The following ZNF638 variants were observed in gnomAD, a reference collection of about 807,000 sequenced individuals.
ZNF638 encodes CTCL tumor antigen se33-1.
Under a neutral mutation model 195.6 loss-of-function variants are expected in ZNF638, and 46 were observed. That is an observed-to-expected ratio of 0.24 (90% CI 0.19 to 0.30). The LOEUF is 0.30. Ranked by LOEUF, ZNF638 falls within the 10% of genes least tolerant of loss-of-function variation. The pLI, the probability that ZNF638 is intolerant of heterozygous loss-of-function variation, is 1.00. For missense variants in ZNF638, 2,440 were observed against 2,325.3 expected (o/e 1.05, Z -1.01); for synonymous variants, 845 against 772.0 (o/e 1.09, Z -1.57).
intron 10 of ZNF638, among the ~76,000 whole-genome samples, chr2:71,387,108 A>C (rs2079657106): frequency 6.6e-6 from 1 of 152,144 alleles, no homozygotes; most frequent in Non-Finnish European, 1.5e-5. Flanking sequence ...TATTATAAGA[A>C]ATTAACATAG....
intron 20 of ZNF638, among the ~76,000 whole-genome samples, chr2:71,410,686 TAAA>T (rs1289276358): frequency 2.6e-5 from 4 of 152,178 alleles, no homozygotes; most frequent in African/African-American, 9.6e-5. Context: ...TAAATTGAGA[TAAA>T]AAGAGAATGA....
At chr2:71,430,840 A>G (rs2080643304) in intron 25 of ZNF638, among the ~76,000 whole-genome samples, 1 of 152,114 alleles carries the variant, frequency 6.6e-6, no homozygotes, top group Non-Finnish European at 1.5e-5. Context: ...CTTACGTGTT[A>G]CTCACTTTGG....
chr2:71,367,751 T>TTTA lies in ZNF638; in HGVS notation c.1996-631_1996-630insTTA, dbSNP rs1553471478. Among the ~76,000 whole-genome samples the TTTA allele has an allele frequency of 1.3e-4, 20 of 149,382 alleles. 1 individual carries two copies. The highest frequency in any genetic ancestry group is 2.5e-4 in the Non-Finnish European group (17 of 67,408). Reference sequence around the variant, plus strand: ...ACCAGGCCTGGCCTTTTTTTTTTTTTAAAAATATAGAGTCTTAGTATGTTG... The same window carrying TTTA: ...ACCAGGCCTGGCCTTTTTTTTTTTTTTTAAAAAATATAGAGTCTTAGTATGTTG... On this transcript the variant is annotated intron_variant, in intron 6 of 27. Coordinates refer to ENST00000264447, the MANE Select transcript of ZNF638 (RefSeq NM_014497.5).
chr2:71,395,441 C>T lies in ZNF638; in HGVS notation c.2378-700C>T, dbSNP rs139841409. On this transcript the variant is annotated intron_variant, in intron 10 of 27. Coordinates refer to ENST00000264447, the MANE Select transcript of ZNF638 (RefSeq NM_014497.5). ...AAGTCCAGGAGGTTTTGCAAAGCTT[C>T]GGGAGAGAATAAAGGCTGAAGGCAG... 938 of 632,062 alleles carry T rather than the reference C, an allele frequency of 1.5e-3. 10 individuals carry two copies. The highest frequency in any genetic ancestry group is 0.014 in the African/African-American group (739 of 54,400). 39.2% of individuals were successfully genotyped at this position (632,062 alleles called of 1,614,324 possible).
chr2:71,406,401 ATATTT>A (rs1443803736), intron 19 of ZNF638, 139 bp downstream of exon 19: 15 of 756,280 alleles, frequency 2.0e-5, no homozygotes, highest in Admixed American at 2.9e-5. Flanking sequence ...ATAAACCAGA[ATATTT>A]TATTTTGGAC....
intron 18 of ZNF638, 50 bp downstream of exon 18, chr2:71,405,692 C>A: frequency 1.5e-6 from 2 of 1,291,520 alleles, no homozygotes; most frequent in Non-Finnish European, 2.2e-6. Context: ...TTGATGGAAA[C>A]ATTGTTTTAC....
At chr2:71,344,585 T>G (rs2078820577) in intron 1 of ZNF638, among the ~76,000 whole-genome samples, 1 of 151,640 alleles carries the variant, frequency 6.6e-6, no homozygotes. Flanking sequence ...ATTCTCTAGA[T>G]TTATTGCTAA....
intron 10 of ZNF638, among the ~76,000 whole-genome samples, chr2:71,391,160 G>A (rs1319424732): frequency 6.6e-6 from 1 of 152,218 alleles, no homozygotes; most frequent in African/African-American, 2.4e-5. Flanking sequence ...TCTGGGAAAT[G>A]GGGACTTGCA....
intron 10 of ZNF638, chr2:71,393,250 A>G (rs1006727879): frequency 1.7e-5 from 10 of 594,128 alleles, no homozygotes; most frequent in African/African-American, 1.1e-4. Flanking sequence ...AATTTCAATC[A>G]ACTATAGAAA....
chr2:71,408,673 T>C, intron 20 of ZNF638: 2 of 393,540 alleles, frequency 5.1e-6, no homozygotes, highest in South Asian at 4.0e-5. Context: ...GTTCTTGGCC[T>C]ACACAGTAGT....
chr2:71,380,499 C>A lies in ZNF638; in HGVS notation c.2325-14C>A. 1 of 1,580,820 alleles carries A rather than the reference C, an allele frequency of 6.3e-7. No individual in the cohort carries two copies. Among genetic ancestry groups the A allele is most frequent in the South Asian group, 1.2e-5 (1 of 84,110 alleles). On this transcript the variant is annotated splice_polypyrimidine_tract_variant and intron_variant, in intron 9 of 27. Transcript: ENST00000264447. ...TTCCTAAGTTGCTGCTAAATTTTTT[C>A]TCCTTTTAAATAGAAGAGATGCAGA...
At chr2:71,427,523 T>C (rs746858483) in intron 24 of ZNF638, 109 bp downstream of exon 24, 2 of 754,336 alleles carry the variant, frequency 2.7e-6, no homozygotes, top group Non-Finnish European at 2.0e-6. Context: ...AGTATTGATA[T>C]TAGAGGCCAA....
chr2:71,334,116 T>G (rs1204750903), intron 1 of ZNF638, among the ~76,000 whole-genome samples: 2 of 152,234 alleles, frequency 1.3e-5, no homozygotes, highest in Non-Finnish European at 2.9e-5. Context: ...TATATGATTG[T>G]TACGTTAGTC....
At chr2:71,338,142 C>A (rs1233086749) in intron 1 of ZNF638, among the ~76,000 whole-genome samples, 1 of 152,176 alleles carries the variant, frequency 6.6e-6, no homozygotes, top group African/African-American at 2.4e-5. Context: ...CCCCCACTCC[C>A]CCTGGAATTA....
At position 71,355,701 on chromosome 2, in the gene ZNF638, T is replaced by C; in HGVS notation, c.1318-18T>C. 1 of 1,542,336 alleles carries C rather than the reference T, an allele frequency of 6.5e-7. No homozygotes were observed. Among genetic ancestry groups the C allele is most frequent in the South Asian group, 1.2e-5 (1 of 82,946 alleles). ...TGAGGAATATTCTAATTTCAACACT[T>C]TTCTCCTTTTACAATAGGATTGGAT... On this transcript the variant is annotated intron_variant, in intron 2 of 27. Coordinates refer to ENST00000264447, the MANE Select transcript of ZNF638 (RefSeq NM_014497.5).
chr2:71,416,999 C>G (rs1432215888), intron 20 of ZNF638, among the ~76,000 whole-genome samples: 1 of 148,530 alleles, frequency 6.7e-6, no homozygotes, highest in African/African-American at 2.5e-5. Flanking sequence ...TTGTGGTGGG[C>G]TCCACCCAGT....
chr2:71,396,010 G>A, intron 10 of ZNF638, 131 bp from the exon 11 acceptor site: 2 of 748,454 alleles, frequency 2.7e-6, no homozygotes, highest in East Asian at 5.3e-5. Flanking sequence ...GTAATTCCAT[G>A]GACATACAAA....
At chr2:71,390,861 G>A (rs529397942) in intron 10 of ZNF638, among the ~76,000 whole-genome samples, 9 of 149,728 alleles carry the variant, frequency 6.0e-5, no homozygotes, top group African/African-American at 2.2e-4. Context: ...TTGTGATTTG[G>A]AGGGAAAAAA....
intron 10 of ZNF638, among the ~76,000 whole-genome samples, chr2:71,381,676 A>G (rs78808224): frequency 1.3e-5 from 2 of 152,148 alleles, no homozygotes; most frequent in South Asian, 2.1e-4. Flanking sequence ...AGTTTTGGGT[A>G]AAAAGGTTTG....
Sources: gnomAD v4.1 joint callset for allele counts (sites outside exome capture counted in the v4.1 genomes callset) on GRCh38, gnomAD v4.1.1 for gene constraint, MANE v1.5 for transcripts, NCBI Gene and HGNC (gene_info 2026-07-23, HGNC 2026-07-21) for gene names.